Variants in SEC24D observed in about 807,000 individuals in gnomAD.
SEC24D encodes protein transport protein Sec24D.
SEC24D carries 69 observed loss-of-function variants against 116.9 expected under a neutral mutation model. The ratio of observed to expected loss-of-function variants is 0.59; its 90% CI spans 0.49 to 0.72. The LOEUF is 0.72. Ranked by LOEUF, SEC24D falls within the 30% of genes least tolerant of loss-of-function variation. The pLI, the probability that SEC24D is intolerant of heterozygous loss-of-function variation, is 0.00. For missense variants in SEC24D, 1,131 were observed against 1,264.1 expected (o/e 0.89, Z 1.60); for synonymous variants, 405 against 442.8 (o/e 0.91, Z 1.07).
chr4:118,792,588 T>G (rs1728976172), intron 8 of SEC24D, among the ~76,000 whole-genome samples: 1 of 152,252 alleles, frequency 6.6e-6, no homozygotes, highest in Admixed American at 6.5e-5. Flanking sequence ...TCTATAACCT[T>G]ATCCCCAACC....
At chr4:118,820,185 T>A in intron 3 of SEC24D, among the ~76,000 whole-genome samples, 1 of 150,786 alleles carries the variant, frequency 6.6e-6, no homozygotes. Context: ...TAATTTTTTT[T>A]TTTTTTTTTT....
Position 118,734,695 on chromosome 4 carries a change from G to GT in SEC24D, c.2497-1784dup, listed in dbSNP as rs562619320. Among the ~76,000 whole-genome samples, 15 of 152,260 alleles carry GT rather than the reference G, an allele frequency of 9.9e-5. No individual in the cohort carries two copies. In the East Asian group the frequency reaches 2.9e-3, roughly 29 times the overall value. On this transcript the variant is annotated intron_variant, in intron 19 of 22. Transcript: ENST00000280551. ...AACTTTCTAACCGTCTCAGGCAAAC[G>GT]TATTTCAGAATGATTCTACTTTGCA...
intron 1 of SEC24D, among the ~76,000 whole-genome samples, chr4:118,834,565 A>G (rs1037727222): frequency 2.6e-5 from 4 of 152,092 alleles, no homozygotes; most frequent in Non-Finnish European, 5.9e-5. Flanking sequence ...AAAATAAGAG[A>G]TATTTCATAG....
At chr4:118,774,349 G>C (rs1728042283) in intron 8 of SEC24D, among the ~76,000 whole-genome samples, 1 of 151,994 alleles carries the variant, frequency 6.6e-6, no homozygotes, top group Non-Finnish European at 1.5e-5. Flanking sequence ...TACTGATTCA[G>C]ACTTTTCATA....
chr4:118,819,531 A>G (rs1209108265), intron 3 of SEC24D, among the ~76,000 whole-genome samples: 2 of 55,502 alleles, frequency 3.6e-5, no homozygotes, highest in Non-Finnish European at 7.2e-5. Context: ...ACCCCGTCTC[A>G]AAAAAAAAAA....
At chr4:118,748,296 C>T (rs1156610035) in intron 13 of SEC24D, among the ~76,000 whole-genome samples, 1 of 151,228 alleles carries the variant, frequency 6.6e-6, no homozygotes, top group Non-Finnish European at 1.5e-5. Context: ...TACAGTAAAA[C>T]TCTGAGGGAA....
intron 8 of SEC24D, among the ~76,000 whole-genome samples, chr4:118,787,616 A>G (rs781132712): frequency 1.3e-5 from 2 of 152,146 alleles, no homozygotes; most frequent in African/African-American, 2.4e-5. Flanking sequence ...GTTTGAGACC[A>G]GCCTAGGCAA....
chr4:118,729,875 C>T (rs540863593), intron 21 of SEC24D: 2 of 152,208 alleles, frequency 1.3e-5, no homozygotes, highest in African/African-American at 2.4e-5. Context: ...TACATTCACA[C>T]TCCCATCCCC....
At chr4:118,781,893 C>G (rs1438821625) in intron 8 of SEC24D, among the ~76,000 whole-genome samples, 2 of 152,174 alleles carry the variant, frequency 1.3e-5, no homozygotes, top group Non-Finnish European at 2.9e-5. Flanking sequence ...GAAGCTTGTG[C>G]ATGCGTCACG....
intron 19 of SEC24D, 76 bp downstream of exon 19, chr4:118,738,185 C>A: frequency 1.0e-6 from 1 of 956,476 alleles, no homozygotes; most frequent in South Asian, 1.3e-5. Context: ...ACATCATAAG[C>A]CTTCTATAGC....
At chr4:118,811,060 T>C (rs528979187) in intron 6 of SEC24D, among the ~76,000 whole-genome samples, 1 of 152,296 alleles carries the variant, frequency 6.6e-6, no homozygotes, top group South Asian at 2.1e-4. Flanking sequence ...TAACAGGAAG[T>C]CATTGGTAAT....
intron 8 of SEC24D, among the ~76,000 whole-genome samples, chr4:118,777,649 T>C (rs1269292518): frequency 2.0e-5 from 3 of 152,238 alleles, no homozygotes; most frequent in Non-Finnish European, 4.4e-5. Context: ...CTGGGTCAAA[T>C]GGTATTTCTA....
chr4:118,800,372 A>G (rs950576366), intron 7 of SEC24D, among the ~76,000 whole-genome samples: 2 of 152,160 alleles, frequency 1.3e-5, no homozygotes, highest in Non-Finnish European at 2.9e-5. Flanking sequence ...TGCTGCACAG[A>G]TGCAGACCTG....
In SEC24D at chr4:118,738,379, G is replaced by A; in HGVS notation, c.2378C>T (p.Ala793Val). 1 of 1,587,672 alleles carries A rather than the reference G, an allele frequency of 6.3e-7. No homozygotes were observed. ...DALINFFAKS[A>V]FKAVLHQPLK... The stretch of plus-strand genomic sequence containing the variant: ...AGGCTGGTGGAGAACTGCTTTAAAA[G>A]CTACATCACAAAACAATGAAAAGGA... The change falls in exon 19 of 23, where the codon GCT (alanine) becomes GTT (valine). Residue 793 changes from alanine (A) to valine (V), a missense_variant and splice_region_variant. Transcript: ENST00000280551.
In SEC24D at chr4:118,722,870, T is replaced by G. The variant is rs1725217434; in HGVS notation, c.*645A>C. 6.6e-6 allele frequency: 1 copy of G among 152,612 alleles called. No homozygotes were observed. The highest frequency in any genetic ancestry group is 2.4e-5 in the African/African-American group (1 of 41,454). 9.5% of individuals were successfully genotyped at this position (152,612 alleles called of 1,614,324 possible). A position where few individuals can be genotyped will look rare whatever the true frequency, so the allele number is the denominator to read the frequency against. ...TTGATACTGGTTAACATCCATTATA[T>G]ACAGGTAGAAACTTTCAAAATTGTA... On this transcript the variant is annotated 3_prime_UTR_variant, in exon 23 of 23. Transcript: ENST00000280551.
In SEC24D at chr4:118,828,778, C is replaced by T. The variant is rs537875147; in HGVS notation, c.119-4029G>A. ...GTACATACATTGGATTGTGACCCTT[C>T]CCAGACTAAATCACTTCAGTGGTAC... is the stretch of plus-strand genomic sequence containing the variant. On this transcript the variant is annotated intron_variant, in intron 2 of 22. Transcript: ENST00000280551. Among the ~76,000 whole-genome samples the T allele has an allele frequency of 6.3e-4, 96 of 152,308 alleles. 1 individual carries two copies. In the Middle Eastern group the frequency reaches 0.024, roughly 38 times the overall value.
At chr4:118,809,775 C>T (rs1207420400) in intron 6 of SEC24D, among the ~76,000 whole-genome samples, 2 of 152,156 alleles carry the variant, frequency 1.3e-5, no homozygotes, top group African/African-American at 2.4e-5. Flanking sequence ...GTGTGGAAGA[C>T]AGGCAATAAG....
chr4:118,761,722 T>C (rs72669459), intron 10 of SEC24D, among the ~76,000 whole-genome samples: 3,007 of 152,320 alleles, frequency 0.02, 42 homozygotes, highest in Non-Finnish European at 0.034. Context: ...TCATCTACAA[T>C]GTCTGCCTAG....
At chr4:118,752,927 AT>A in intron 11 of SEC24D, 39 bp from the exon 12 acceptor site, 1 of 1,439,492 alleles carries the variant, frequency 6.9e-7, no homozygotes, top group Non-Finnish European at 9.4e-7. Flanking sequence ...TGCTTTATAA[AT>A]TTAGATGAAA....
Sources: allele counts gnomAD v4.1 joint callset (sites outside exome capture counted in the v4.1 genomes callset), GRCh38; gene constraint gnomAD v4.1.1; transcripts MANE v1.5; gene names NCBI Gene and HGNC (gene_info 2026-07-23, HGNC 2026-07-21).